Variants in AXIN1 observed in about 807,000 individuals in gnomAD.
The protein encoded by AXIN1 is axin 1.
A neutral mutation model predicts 76.4 loss-of-function variants in AXIN1; 30 were observed. The observed-to-expected ratio is 0.39, with a 90% CI of 0.29 to 0.53. AXIN1 has a LOEUF of 0.53. Among genes scored for constraint, AXIN1 ranks in the 20% least tolerant of loss-of-function variants. The pLI is 0.66. For missense variants in AXIN1, 1,140 were observed against 1,198.8 expected (o/e 0.95, Z 0.72); for synonymous variants, 545 against 501.4 (o/e 1.09, Z -1.16).
At chr16:302,643 G>T (rs540828326) in intron 5 of AXIN1, among the ~76,000 whole-genome samples, 1 of 152,160 alleles carries the variant, frequency 6.6e-6, no homozygotes, top group African/African-American at 2.4e-5. Context: ...CAGGCTTCAG[G>T]GCACAGCTCA....
At chr16:326,374 T>A (rs1232776783) in intron 2 of AXIN1, among the ~76,000 whole-genome samples, 3,139 of 49,310 alleles carry the variant, frequency 0.064, 53 homozygotes, top group South Asian at 0.14. Context: ...AAAAAAAAAA[T>A]ATATATATAT....
intron 2 of AXIN1, among the ~76,000 whole-genome samples, chr16:329,957 G>A (rs888443461): frequency 9.9e-5 from 15 of 151,728 alleles, no homozygotes; most frequent in Non-Finnish European, 2.1e-4. Context: ...TAGTAGAGAC[G>A]GGGTTTCACC....
rs2141468983 is a variant in AXIN1, at chr16:289,586, C to A, written c.2316G>T (p.Val772=). The A allele has an allele frequency of 6.2e-7, 1 of 1,612,908 alleles. No homozygotes were observed. Among genetic ancestry groups the A allele is most frequent in the Non-Finnish European group, 8.5e-7 (1 of 1,179,960 alleles). The change falls in exon 10 of 11, where the codon GTG becomes GTT. Residue 772 remains valine, a synonymous_variant. Coordinates refer to ENST00000262320, the MANE Select transcript of AXIN1 (RefSeq NM_003502.4). ...CACACGGCTGGGCACTCCCGCCGCCCACCTTCCTCTGCGATCTTGTCCTGG... is the reference window on the plus strand; with the variant it reads ...CACACGGCTGGGCACTCCCGCCGCCAACCTTCCTCTGCGATCTTGTCCTGG... ...SETETRSQRK[V]GGGSAQPCDS...
chr16:333,947 A>AT (rs2053746191), intron 2 of AXIN1, among the ~76,000 whole-genome samples: 1 of 151,426 alleles, frequency 6.6e-6, no homozygotes, highest in African/African-American at 2.4e-5. Context: ...TACCATGCCA[A>AT]TAACACAGCA....
chr16:323,556 T>C (rs1240870547), intron 2 of AXIN1, among the ~76,000 whole-genome samples: 2 of 148,372 alleles, frequency 1.3e-5, no homozygotes, highest in Admixed American at 6.7e-5. Flanking sequence ...CCGAGGCGGG[T>C]GGATCACAAG....
chr16:312,362 A>C (rs1416810952), intron 3 of AXIN1, among the ~76,000 whole-genome samples: 1 of 152,198 alleles, frequency 6.6e-6, no homozygotes, highest in East Asian at 1.9e-4. Flanking sequence ...GATGAACAGA[A>C]TATCAAGAAA....
At chr16:309,515 T>C (rs546933612) in intron 4 of AXIN1, among the ~76,000 whole-genome samples, 7 of 152,302 alleles carry the variant, frequency 4.6e-5, no homozygotes, top group African/African-American at 1.4e-4. Context: ...CATTATTCTA[T>C]GCAACAGCGA....
At position 293,759 on chromosome 16, in the gene AXIN1, C is replaced by T; in HGVS notation, c.1956-41G>A. The T allele has an allele frequency of 6.3e-7, 1 of 1,589,992 alleles. No individual in the cohort carries two copies. The highest frequency in any genetic ancestry group is 8.6e-7 in the Non-Finnish European group (1 of 1,161,516). On this transcript the variant is annotated intron_variant, in intron 7 of 10. Coordinates refer to ENST00000262320, the MANE Select transcript of AXIN1 (RefSeq NM_003502.4). This position sits in a 1 kb window ranked among gnomAD's most constrained non-coding sequence, Gnocchi z 4.6. ...AACAAGTTGTGACTGTGGCCGACAC[C>T]CTGGCCAGGTGGCCTGGTGGGGCTA...
Position 287,849 on chromosome 16 carries a change from G to A in AXIN1, c.*273C>T, listed in dbSNP as rs2052425549. 3.7e-6 allele frequency: 2 copies of A among 547,120 alleles called. No homozygotes were observed. The highest frequency in any genetic ancestry group is 3.3e-6 in the Non-Finnish European group (1 of 302,504). 33.9% of individuals were successfully genotyped at this position (547,120 alleles called of 1,614,324 possible). ...GGATGGGGGGGGGTCACCTGAAGCT[G>A]GCAGCAGGGACCTCGGCTGCCTCAC... On this transcript the variant is annotated 3_prime_UTR_variant, in exon 11 of 11. Transcript: ENST00000262320.
chr16:350,169 G>A (rs1050368748), intron 1 of AXIN1, among the ~76,000 whole-genome samples: 2 of 152,212 alleles, frequency 1.3e-5, no homozygotes, highest in Non-Finnish European at 2.9e-5. Flanking sequence ...ATTTTTGGCT[G>A]TCAACTGACA....
chr16:310,297 C>T (rs2053141775), intron 3 of AXIN1, among the ~76,000 whole-genome samples: 2 of 152,198 alleles, frequency 1.3e-5, no homozygotes, highest in African/African-American at 4.8e-5. Context: ...GGTGCCCAGC[C>T]ACGCGTCTTC....
At chr16:310,431 C>CT (rs1196911854) in intron 3 of AXIN1, among the ~76,000 whole-genome samples, 3 of 152,120 alleles carry the variant, frequency 2.0e-5, no homozygotes, top group Admixed American at 2.0e-4. Flanking sequence ...GAGTCTCGCT[C>CT]TGTCGCCCAG....
chr16:337,411 AG>A (rs1309651814), intron 2 of AXIN1, among the ~76,000 whole-genome samples: 1 of 149,658 alleles, frequency 6.7e-6, no homozygotes, highest in Non-Finnish European at 1.5e-5. Context: ...AGCACTCCTT[AG>A]GGTTATTTTA....
At chr16:290,930 G>A in intron 9 of AXIN1, 1 of 554,884 alleles carries the variant, frequency 1.8e-6, no homozygotes, top group Non-Finnish European at 3.3e-6. Flanking sequence ...TGGATGCAGG[G>A]GCTGGCTGTG....
At chr16:291,646 T>G (rs908728566) in intron 8 of AXIN1, 3 of 391,488 alleles carry the variant, frequency 7.7e-6, no homozygotes, top group Admixed American at 3.8e-5. Flanking sequence ...TTCAGTCTCT[T>G]GGCATGAATT....
At chr16:336,506 C>A (rs1324345923) in intron 2 of AXIN1, among the ~76,000 whole-genome samples, 2 of 152,078 alleles carry the variant, frequency 1.3e-5, no homozygotes, top group Non-Finnish European at 2.9e-5. Flanking sequence ...GGGCCCTGAC[C>A]CAAGAGGGCT....
At chr16:296,477 C>A (rs768116440) in intron 7 of AXIN1, among the ~76,000 whole-genome samples, 1 of 152,200 alleles carries the variant, frequency 6.6e-6, no homozygotes, top group African/African-American at 2.4e-5. Flanking sequence ...GTTCCGGGCA[C>A]GAGTGCAGGC....
Position 352,480 on chromosome 16 carries a change from C to T in AXIN1, c.-193G>A. The T allele has an allele frequency of 1.1e-6, 1 of 937,646 alleles. No individual in the cohort carries two copies. Among genetic ancestry groups the T allele is most frequent in the East Asian group, 1.2e-4 (1 of 8,454 alleles). The allele number at this position is 937,646 out of a possible 1,614,324, so 58.1% of individuals were successfully genotyped here. ...GGGCGGGACCCGGCGGGGGCGCGGC[C>T]CGGGGCGGCCCCCATCTCGGCGGCT... is the stretch of plus-strand genomic sequence containing the variant. On this transcript the variant is annotated 5_prime_UTR_variant, in exon 1 of 11. Coordinates refer to ENST00000262320, the MANE Select transcript of AXIN1 (RefSeq NM_003502.4).
At chr16:339,605 C>A (rs531954232) in intron 2 of AXIN1, among the ~76,000 whole-genome samples, 136 of 152,028 alleles carry the variant, frequency 8.9e-4, no homozygotes, top group African/African-American at 3.3e-3. Context: ...CTGCTTCAAC[C>A]TGGGAGGCGG....
Sources: gnomAD v4.1 joint callset for allele counts (sites outside exome capture counted in the v4.1 genomes callset) on GRCh38, gnomAD v4.1.1 for gene constraint, Gnocchi (gnomAD v3.1) non-coding constraint, MANE v1.5 for transcripts, NCBI Gene and HGNC (gene_info 2026-07-23, HGNC 2026-07-21) for gene names.